DRC7: variants seen among roughly 807,000 people sequenced by gnomAD.
The protein encoded by DRC7 is dynein regulatory complex subunit 7, also known as coiled-coil domain containing 135.
In DRC7, 80 loss-of-function variants were observed where a neutral mutation model predicts 104.4. The ratio of observed to expected loss-of-function variants is 0.77; its 90% confidence interval spans 0.64 to 0.92. The LOEUF is 0.92. DRC7 is among the 40% of genes least tolerant of loss of function. The pLI, the probability that DRC7 is intolerant of heterozygous loss-of-function variation, is 0.00. For synonymous variants in DRC7, 405 were observed against 447.3 expected, an observed-to-expected ratio of 0.91 and a Z score of 1.19; for missense variants, 1,034 against 1,141.1, an observed-to-expected ratio of 0.91 and a Z score of 1.35.
chr16:57,730,485 C>T (rs113007815), intron 17 of DRC7, among the ~76,000 whole-genome samples: 8,886 of 151,954 alleles, frequency 0.058, 867 homozygotes, highest in African/African-American at 0.2. Flanking sequence ...AGAGATGGTA[C>T]ACTGTAACAA....
chr16:57,722,960 G>A (rs1179301460), intron 11 of DRC7, 42 bp from the exon 12 acceptor site: 3 of 1,613,484 alleles, frequency 1.9e-6, no homozygotes, highest in Non-Finnish European at 2.5e-6. Flanking sequence ...TGAAGGCTAG[G>A]GGAGCTGGCC....
intron 17 of DRC7, among the ~76,000 whole-genome samples, chr16:57,730,555 A>G (rs556970761): frequency 6.6e-6 from 1 of 152,178 alleles, no homozygotes; most frequent in Non-Finnish European, 1.5e-5. Context: ...CCCGTGCACT[A>G]CTAAGATTAT....
chr16:57,730,832 C>T (rs1311879307), intron 17 of DRC7, 99 bp from the exon 18 acceptor site: 25 of 1,333,986 alleles, frequency 1.9e-5, no homozygotes, highest in East Asian at 4.6e-5. Context: ...TGGGGCCAAC[C>T]GTCATGGTGC....
At chr16:57,727,091 A>G in intron 15 of DRC7, 149 bp downstream of exon 15, 1 of 651,836 alleles carries the variant, frequency 1.5e-6, no homozygotes, top group Non-Finnish European at 2.7e-6. Flanking sequence ...CTCCCAGGTA[A>G]CTGGGACCAC....
At chr16:57,729,585 G>A (rs796075371) in intron 17 of DRC7, among the ~76,000 whole-genome samples, 1 of 99,110 alleles carries the variant, frequency 1.0e-5, no homozygotes, top group Non-Finnish European at 1.8e-5. Flanking sequence ...TGGATGAGTG[G>A]GTGGGTGGAT....
chr16:57,730,161 A>ATGGATGAG (rs373396748), intron 17 of DRC7, among the ~76,000 whole-genome samples: 2 of 112,578 alleles, frequency 1.8e-5, no homozygotes, highest in African/African-American at 3.9e-5. Flanking sequence ...GGATGGATGG[A>ATGGATGAG]TGAGTAGGTG....
intron 8 of DRC7, among the ~76,000 whole-genome samples, chr16:57,712,248 G>A (rs1346672239): frequency 9.2e-5 from 14 of 152,174 alleles, no homozygotes; most frequent in African/African-American, 2.4e-5. Flanking sequence ...CAAGAGTAGC[G>A]GCTCAGAGGC....
chr16:57,724,502 T>C, intron 12 of DRC7, 113 bp from the exon 13 acceptor site: 1 of 671,786 alleles, frequency 1.5e-6, no homozygotes, highest in Non-Finnish European at 2.5e-6. Flanking sequence ...GCTAACCTCA[T>C]CCATAATGTG....
At chr16:57,716,635 C>A (rs950933058) in intron 8 of DRC7, among the ~76,000 whole-genome samples, 1 of 152,098 alleles carries the variant, frequency 6.6e-6, no homozygotes, top group African/African-American at 2.4e-5. Flanking sequence ...CTCTGCTGTG[C>A]CCCCCACTTC....
At position 57,718,354 on chromosome 16, in the gene DRC7, T is replaced by A; in HGVS notation, c.1085T>A (p.Ile362Asn). 6.2e-7 allele frequency: 1 copy of A among 1,613,906 alleles called. No homozygotes were observed. Residue 362 changes from isoleucine to asparagine, a missense_variant, in exon 9 of 19, where the codon ATC (isoleucine) becomes AAC (asparagine). By Grantham distance (149) the Ile-to-Asn change is moderately radical. Transcript: ENST00000360716. ...TGCCCTCATCCCCAACAGGACTTGA[T>A]CTTTGACCTGGGTGACCCTGTGAGA... ...QDCWNCCKDL[I>N]FDLGDPVRWE...
At chr16:57,723,159 C>G in intron 12 of DRC7, 29 bp downstream of exon 12, 2 of 1,609,368 alleles carry the variant, frequency 1.2e-6, no homozygotes. Flanking sequence ...CTGGGCCACC[C>G]AGGAGCCTGG....
intron 8 of DRC7, chr16:57,714,427 C>A: frequency 6.3e-6 from 1 of 159,176 alleles, no homozygotes; most frequent in Non-Finnish European, 1.4e-5. Flanking sequence ...TTGAGACAAG[C>A]CTGGGCAACA....
chr16:57,698,052 G>GATCAT lies in DRC7; in HGVS notation c.103_104insATCAT (p.Val35AspfsTer12). 1.2e-6 allele frequency: 2 copies of GATCAT among 1,614,200 alleles called. No homozygotes were observed. Among genetic ancestry groups the GATCAT allele is most frequent in the Non-Finnish European group, 1.7e-6 (2 of 1,180,046 alleles). On this transcript the variant is annotated frameshift_variant, in exon 3 of 19. Transcript: ENST00000360716. LOFTEE classifies it high-confidence loss of function. ...GAGGATGGAGAAAATGATGAGGCCA[G>GATCAT]TTGAGGTGCGGAAGGAGGAAATCAC...
Position 57,698,904 on chromosome 16 carries a change from C to T in DRC7, c.258C>T (p.Thr86=). ...DISKLPISYK[T]NTPKEEHLLQ... is the part of the protein sequence containing the mutation. Reference sequence around the variant, plus strand: ...CCAAGCTGCCCATTTCCTACAAAACCAACACACCCAAGGAGGAACACCTGC... The same window carrying T: ...CCAAGCTGCCCATTTCCTACAAAACTAACACACCCAAGGAGGAACACCTGC... Residue 86 remains threonine, a synonymous_variant, in exon 4 of 19, where the codon ACC becomes ACT. Coordinates refer to ENST00000360716, the MANE Select transcript of DRC7 (RefSeq NM_001289162.2). 6.2e-7 allele frequency: 1 copy of T among 1,614,126 alleles called. No individual in the cohort carries two copies. Among genetic ancestry groups the T allele is most frequent in the African/African-American group, 1.3e-5 (1 of 75,032 alleles).
Position 57,731,398 on chromosome 16 carries a change from CCT to C in DRC7, c.*141_*142del, listed in dbSNP as rs2049060705. On this transcript the variant is annotated 3_prime_UTR_variant, in exon 19 of 19. Transcript: ENST00000360716. Reference sequence around the variant, plus strand: ...ACTGCCAGCCCACCTCCCCTACAGCCCTGTTTGTTCCTGCTTCTCATGATTTT... The same window carrying C: ...ACTGCCAGCCCACCTCCCCTACAGCCGTTTGTTCCTGCTTCTCATGATTTT... 1 of 625,582 alleles carries C rather than the reference CCT, an allele frequency of 1.6e-6. No individual in the cohort carries two copies. Among genetic ancestry groups the C allele is most frequent in the East Asian group, 2.8e-5 (1 of 36,264 alleles). 38.8% of individuals were successfully genotyped at this position (625,582 alleles called of 1,614,324 possible). A position where few individuals can be genotyped will look rare whatever the true frequency, so the allele number is the denominator to read the frequency against.
chr16:57,724,601 C>T lies in DRC7; in HGVS notation c.1538-14C>T, dbSNP rs1348094487. 3.7e-5 allele frequency: 58 copies of T among 1,588,596 alleles called. No individual in the cohort carries two copies. The highest frequency in any genetic ancestry group is 4.8e-5 in the Non-Finnish European group (56 of 1,162,754). On this transcript the variant is annotated splice_polypyrimidine_tract_variant and intron_variant, in intron 12 of 18. Coordinates refer to ENST00000360716, the MANE Select transcript of DRC7 (RefSeq NM_001289162.2). ...TATGAAGCTGTCTCCTCCCAACTCC[C>T]GCTCCCCACCCAGTGCACTCGTACA...
In DRC7 at chr16:57,727,426, T is replaced by C. The variant is rs1200589992; in HGVS notation, c.2196+17T>C. 1.3e-6 allele frequency: 2 copies of C among 1,585,614 alleles called. No individual in the cohort carries two copies. The highest frequency in any genetic ancestry group is 1.7e-6 in the Non-Finnish European group (2 of 1,155,120). ...GAGGCCATGGTCAGTCCCAATCCCT[T>C]CTCCAGGCCCCAGCTTTTCCTAGAC... is the stretch of plus-strand genomic sequence containing the variant. On this transcript the variant is annotated intron_variant, in intron 16 of 18. Transcript: ENST00000360716.
At chr16:57,713,247 C>T (rs1379626272) in intron 8 of DRC7, among the ~76,000 whole-genome samples, 2 of 152,164 alleles carry the variant, frequency 1.3e-5, no homozygotes, top group Non-Finnish European at 2.9e-5. Context: ...TCAATAATCT[C>T]AAGTTGATTG....
At chr16:57,716,318 C>A (rs2048843151) in intron 8 of DRC7, among the ~76,000 whole-genome samples, 1 of 152,048 alleles carries the variant, frequency 6.6e-6, no homozygotes, top group Non-Finnish European at 1.5e-5. Context: ...GCCTGGCCAA[C>A]ATGGTGAAAC....
Sources: gnomAD v4.1 joint callset for allele counts (sites outside exome capture counted in the v4.1 genomes callset) on GRCh38, gnomAD v4.1.1 for gene constraint, MANE v1.5 for transcripts, NCBI Gene and HGNC (gene_info 2026-07-23, HGNC 2026-07-21) for gene names.